Variants in KNDC1 observed in about 807,000 individuals in gnomAD.
KNDC1 encodes the protein kinase non-catalytic C-lobe domain containing 1, also known as kinase non-catalytic C-lobe domain-containing protein 1.
KNDC1 carries 106 observed loss-of-function variants against 172.8 expected under a neutral mutation model. The ratio of observed to expected loss-of-function variants is 0.61; its 90% CI spans 0.52 to 0.72. The LOEUF (loss-of-function observed/expected upper bound fraction) is 0.72, where lower values mean the gene tolerates loss of function less well. KNDC1 is among the 30% of genes least tolerant of loss of function. The pLI, the probability that KNDC1 is intolerant of heterozygous loss-of-function variation, is 0.00. For missense variants in KNDC1, 2,325 were observed against 2,394.5 expected (o/e 0.97, Z 0.61); for synonymous variants, 1,083 against 1,062.2 (o/e 1.02, Z -0.38).
intron 26 of KNDC1, among the ~76,000 whole-genome samples, chr10:133,216,283 G>GT (rs1404810575): frequency 1.3e-5 from 2 of 152,186 alleles, no homozygotes; most frequent in Non-Finnish European, 2.9e-5. Flanking sequence ...GGGGTCGGTG[G>GT]TTCCGTTCAG....
Position 133,186,290 on chromosome 10 carries a change from C to T in KNDC1, c.942C>T (p.Asp314=). The T allele has an allele frequency of 1.2e-6, 2 of 1,611,076 alleles. No homozygotes were observed. Among genetic ancestry groups the T allele is most frequent in the Non-Finnish European group, 1.7e-6 (2 of 1,179,338 alleles). Reference sequence around the variant, plus strand: ...AGACGTTCCCTAGGCTGCTGTCCGACAGCCCCGAGGCCACCCTCTGCCTGC... The same window carrying T: ...AGACGTTCCCTAGGCTGCTGTCCGATAGCCCCGAGGCCACCCTCTGCCTGC... The part of the protein sequence containing the change: ...KVQTFPRLLS[D]SPEATLCLPL... The change falls in exon 6 of 30, where the codon GAC becomes GAT. Residue 314 remains aspartate, a synonymous_variant. Transcript: ENST00000304613.
At chr10:133,187,186 C>T (rs147015676) in intron 6 of KNDC1, among the ~76,000 whole-genome samples, 396 of 152,344 alleles carry the variant, frequency 2.6e-3, no homozygotes, top group Non-Finnish European at 4.7e-3. Context: ...TCCGCGGGGA[C>T]GCTGGGATCT....
chr10:133,173,305 C>T (rs1333617926), intron 3 of KNDC1, among the ~76,000 whole-genome samples: 1 of 152,186 alleles, frequency 6.6e-6, no homozygotes, highest in South Asian at 2.1e-4. Flanking sequence ...CTCTTTTCCT[C>T]CTTGTTCTGA....
rs1211869690 is a variant in KNDC1 at position 133,218,751 on chromosome 10, G to A, written c.4678-80G>A. On this transcript the variant is annotated intron_variant, in intron 26 of 29. Transcript: ENST00000304613. ...ACACGCTCTTGTGTCTTGGAGCTGG[G>A]TGATTTTAACAGGTTCTCAAATATT... 3.9e-6 allele frequency: 6 copies of A among 1,526,168 alleles called. No individual in the cohort carries two copies. The Admixed American group carries it at 1.1e-4, about 27-fold the overall frequency. 94.5% of individuals were successfully genotyped at this position (1,526,168 alleles called of 1,614,324 possible).
intron 26 of KNDC1, 127 bp from the exon 27 acceptor site, chr10:133,218,704 C>T (rs1845518204): frequency 1.6e-6 from 2 of 1,282,478 alleles, no homozygotes; most frequent in Non-Finnish European, 2.2e-6. Flanking sequence ...CAGCCGCTTC[C>T]TTTCCACACA....
intron 11 of KNDC1, 41 bp from the exon 12 acceptor site, chr10:133,197,634 C>T (rs1001978025): frequency 1.0e-5 from 15 of 1,493,378 alleles, no homozygotes; most frequent in Admixed American, 1.7e-5. Flanking sequence ...GCTGGCGGAG[C>T]TCCGTGGTCA....
intron 10 of KNDC1, among the ~76,000 whole-genome samples, chr10:133,196,036 C>T (rs2041191743): frequency 6.6e-6 from 1 of 152,218 alleles, no homozygotes; most frequent in Non-Finnish European, 1.5e-5. Flanking sequence ...TGTGGGTGGA[C>T]AGCATGGGGG....
rs1193183529 is a variant in KNDC1 at position 133,163,104 on chromosome 10, G to A, written c.102+2535G>A. On this transcript the variant is annotated intron_variant, in intron 1 of 29. Transcript: ENST00000304613. The surrounding 1 kb of genome is among the most constrained non-coding windows in gnomAD (Gnocchi z 4.4). Reference sequence around the variant, plus strand: ...GGATGGGGGTATGGGATCTGAGGCAGAACAGTGCAATCCAGGCAGAACAGC... The same window carrying A: ...GGATGGGGGTATGGGATCTGAGGCAAAACAGTGCAATCCAGGCAGAACAGC... Among the ~76,000 whole-genome samples, 4 of 152,238 alleles carry A rather than the reference G, an allele frequency of 2.6e-5. No individual in the cohort carries two copies. The highest frequency in any genetic ancestry group is 5.9e-5 in the Non-Finnish European group (4 of 68,042).
chr10:133,187,344 C>T (rs1361322064), intron 6 of KNDC1, among the ~76,000 whole-genome samples: 2 of 152,226 alleles, frequency 1.3e-5, no homozygotes, highest in Admixed American at 6.5e-5. Flanking sequence ...TCTGTCCAGC[C>T]GAAGACGCTT....
At chr10:133,167,291 C>T (rs563303681) in intron 1 of KNDC1, 90 bp from the exon 2 acceptor site, 7 of 1,275,016 alleles carry the variant, frequency 5.5e-6, no homozygotes, top group African/African-American at 3.0e-5. Flanking sequence ...TGCCACGAGT[C>T]GTCCGTTTCC....
intron 26 of KNDC1, 133 bp from the exon 27 acceptor site, chr10:133,218,698 C>T (rs1054223806): frequency 1.1e-4 from 128 of 1,203,048 alleles, no homozygotes; most frequent in Non-Finnish European, 1.3e-4. Flanking sequence ...TCCACACAGC[C>T]GCTTCCTTTC....
Position 133,209,511 on chromosome 10 carries a change from G to A in KNDC1, c.3795-1100G>A, listed in dbSNP as rs1275761463. Among the ~76,000 whole-genome samples, 1 of 151,256 alleles carries A rather than the reference G, an allele frequency of 6.6e-6. No individual in the cohort carries two copies. Among genetic ancestry groups the A allele is most frequent in the African/African-American group, 2.4e-5 (1 of 41,098 alleles). ...TGTGCGCGTCTGGTTGTGGAGTTCT[G>A]TGTGGCTTTGTGCATGTGTGTGGTG... On this transcript the variant is annotated intron_variant, in intron 20 of 29. Transcript: ENST00000304613. The surrounding 1 kb of genome is among the most constrained non-coding windows in gnomAD (Gnocchi z 4.9).
At chr10:133,178,939 C>G (rs1853636270) in intron 3 of KNDC1, 1 of 152,258 alleles carries the variant, frequency 6.6e-6, no homozygotes, top group Non-Finnish European at 1.5e-5. Flanking sequence ...CGACGCTGGG[C>G]AGCCGCAGCA....
intron 3 of KNDC1, among the ~76,000 whole-genome samples, chr10:133,175,264 T>G (rs1343719820): frequency 7.0e-6 from 1 of 142,240 alleles, no homozygotes; most frequent in Non-Finnish European, 1.5e-5. Context: ...GATAGATGGG[T>G]GGATGGTGGA....
chr10:133,183,300 GC>G, intron 3 of KNDC1, 43 bp from the exon 4 acceptor site: 1 of 1,533,950 alleles, frequency 6.5e-7, no homozygotes, highest in Non-Finnish European at 8.8e-7. Context: ...TCGGGGTGGC[GC>G]ACACGCAGAG....
chr10:133,225,102 G>A lies in KNDC1; in HGVS notation c.*212G>A. ...GCAGACGGAGCCAGGACGGGCACAA[G>A]AGTCTTGGAGGTTTGCGTGTTTCTG... is the stretch of plus-strand genomic sequence containing the variant. On this transcript the variant is annotated 3_prime_UTR_variant, in exon 30 of 30. Transcript: ENST00000304613. The A allele has an allele frequency of 1.7e-6, 1 of 582,498 alleles. No homozygotes were observed. The highest frequency in any genetic ancestry group is 2.0e-5 in the South Asian group (1 of 49,736). The allele number at this position is 582,498 out of a possible 1,614,324, so 36.1% of individuals were successfully genotyped here.
In KNDC1 at chr10:133,224,856, A is replaced by C; in HGVS notation, c.5216A>C (p.Asp1739Ala). 1.2e-6 allele frequency: 2 copies of C among 1,613,962 alleles called. No individual in the cohort carries two copies. Among genetic ancestry groups the C allele is most frequent in the Admixed American group, 1.7e-5 (1 of 60,020 alleles). The change falls in exon 30 of 30, where the codon GAC (aspartate) becomes GCC (alanine). Residue 1739 changes from aspartate to alanine, a missense_variant. Asp to Ala is a moderately radical substitution (Grantham distance 126, BLOSUM62 -2). Transcript: ENST00000304613. This position sits in a 1 kb window ranked among gnomAD's most constrained non-coding sequence, Gnocchi z 5.4. ...SSEKHSRKIQ[D>A]KLRRMKATFQ ...GAGAAGCACTCACGGAAGATTCAGGACAAGCTACGGAGGATGAAGGCTACA... is the reference window on the plus strand; with the variant it reads ...GAGAAGCACTCACGGAAGATTCAGGCCAAGCTACGGAGGATGAAGGCTACA...
At chr10:133,214,199 G>T in intron 26 of KNDC1, 77 bp downstream of exon 26, 4 of 1,506,324 alleles carry the variant, frequency 2.7e-6, no homozygotes. Context: ...CTCCTATAAG[G>T]CCGTGGCCTG....
rs759376634 is a variant in KNDC1, at chr10:133,198,518, C to G, written c.2069+19C>G. The G allele has an allele frequency of 3.8e-6, 6 of 1,590,508 alleles. No homozygotes were observed. The African/African-American group carries it at 8.0e-5, about 21-fold the overall frequency. ...TGGCCAGGTGAGCATCGTCCCCACA[C>G]CCCGGAGCTGCTGGGTCCCGGGCGC... On this transcript the variant is annotated intron_variant, in intron 13 of 29. Coordinates refer to ENST00000304613, the MANE Select transcript of KNDC1 (RefSeq NM_152643.8).
Sources: allele counts gnomAD v4.1 joint callset (sites outside exome capture counted in the v4.1 genomes callset), GRCh38; gene constraint gnomAD v4.1.1; non-coding constraint Gnocchi (gnomAD v3.1); transcripts MANE v1.5; gene names NCBI Gene and HGNC (gene_info 2026-07-23, HGNC 2026-07-21).